Variants in CR1L observed in about 807,000 individuals in gnomAD.
CR1L encodes complement C3b/C4b receptor 1 like.
CR1L carries 59 observed loss-of-function variants against 62.3 expected under a neutral mutation model. The ratio of observed to expected loss-of-function variants is 0.95; its 90% CI spans 0.77 to 1.18. The LOEUF is 1.18. Ranked by LOEUF, CR1L falls within the 50% of genes most tolerant of loss-of-function variation. The pLI, the probability that CR1L is intolerant of heterozygous loss-of-function variation, is 0.00. For missense variants in CR1L, 700 were observed against 702.8 expected (o/e 1.00, Z 0.04); for synonymous variants, 279 against 248.7 (o/e 1.12, Z -1.15).
Position 207,701,546 on chromosome 1 carries a change from C to T in CR1L, c.1256C>T (p.Pro419Leu), listed in dbSNP as rs1664192124. Residue 419 changes from proline to leucine, a missense_variant, in exon 9 of 12, where the codon CCA becomes CTA. Pro to Leu is a moderately conservative substitution (Grantham distance 98). Transcript: ENST00000508064. Reference protein sequence around the residue: ...ERKSCETPPVPVNGMVHVITD... With the variant: ...ERKSCETPPVLVNGMVHVITD... ...AAATCATGTGAAACTCCTCCAGTTC[C>T]AGTGAATGGCATGGTGCATGTGATC... The T allele has an allele frequency of 6.2e-7, 1 of 1,613,686 alleles. No individual in the cohort carries two copies. The highest frequency in any genetic ancestry group is 8.5e-7 in the Non-Finnish European group (1 of 1,179,778).
intron 10 of CR1L, among the ~76,000 whole-genome samples, chr1:207,716,483 G>A (rs1389577441): frequency 1.3e-5 from 2 of 151,970 alleles, no homozygotes; most frequent in Non-Finnish European, 2.9e-5. Flanking sequence ...GTCTATTAAA[G>A]CAAGGCATGA....
At position 207,694,366 on chromosome 1, in the gene CR1L, G is replaced by T. The variant is rs1460624791; in HGVS notation, c.477G>T (p.Gly159=). ...TTCCTTTCCCAGGAATTATTTGTGGGCTACCCCCCACCATCGCCAATGGAG... is the reference window on the plus strand; with the variant it reads ...TTCCTTTCCCAGGAATTATTTGTGGTCTACCCCCCACCATCGCCAATGGAG... ...KTPVCDRIIC[G]LPPTIANGDF... Residue 159 remains glycine, a synonymous_variant, in exon 5 of 12, where the codon GGG becomes GGT. Coordinates refer to ENST00000508064, the MANE Select transcript of CR1L (RefSeq NM_175710.2). 1.9e-6 allele frequency: 3 copies of T among 1,613,818 alleles called. No homozygotes were observed. In the African/African-American group the frequency reaches 4.0e-5, roughly 22 times the overall value.
chr1:207,687,179 T>C (rs1663924849), intron 4 of CR1L, among the ~76,000 whole-genome samples: 1 of 152,208 alleles, frequency 6.6e-6, no homozygotes, highest in South Asian at 2.1e-4. Context: ...ATGACAGTCT[T>C]ATAAAGCCAG....
chr1:207,651,888 T>A (rs1663229308), intron 1 of CR1L, among the ~76,000 whole-genome samples: 1 of 152,238 alleles, frequency 6.6e-6, no homozygotes, highest in Admixed American at 6.5e-5. Context: ...TATATTTAAG[T>A]AGTGTATATT....
chr1:207,709,697 C>T (rs930530193), intron 10 of CR1L, among the ~76,000 whole-genome samples: 6 of 151,576 alleles, frequency 4.0e-5, no homozygotes, highest in African/African-American at 1.5e-4. Flanking sequence ...GTTAGCTGAG[C>T]ATGGTCGTGC....
rs1664299635 is a variant in CR1L at position 207,708,210 on chromosome 1, G to A, written c.1361G>A (p.Cys454Tyr). Residue 454 changes from cysteine (C) to tyrosine (Y), a missense_variant, in exon 10 of 12, where the codon TGT becomes TAT. Cys to Tyr is a radical substitution (Grantham distance 194). Coordinates refer to ENST00000508064, the MANE Select transcript of CR1L (RefSeq NM_175710.2). ...CTCATTGGTCACTCATCTGCTGAAT[G>A]TATCCTCTCGGGCAATACTGCCCAT... ...HRLIGHSSAE[C>Y]ILSGNTAHWS... 3 of 1,611,458 alleles carry A rather than the reference G, an allele frequency of 1.9e-6. No homozygotes were observed. The highest frequency in any genetic ancestry group is 4.5e-5 in the East Asian group (2 of 44,852).
chr1:207,717,759 T>C, intron 11 of CR1L, 68 bp downstream of exon 11: 1 of 1,561,118 alleles, frequency 6.4e-7, no homozygotes, highest in Non-Finnish European at 8.7e-7. Flanking sequence ...CATATTTCTA[T>C]AGTGACAGTC....
chr1:207,692,783 C>T (rs1421121322), intron 4 of CR1L, among the ~76,000 whole-genome samples: 1 of 151,548 alleles, frequency 6.6e-6, no homozygotes, highest in Non-Finnish European at 1.5e-5. Context: ...TGCCATACCC[C>T]CAGCCCGTAA....
At chr1:207,675,450 G>A (rs1663676025) in intron 1 of CR1L, among the ~76,000 whole-genome samples, 1 of 152,128 alleles carries the variant, frequency 6.6e-6, no homozygotes, top group South Asian at 2.1e-4. Context: ...TCATAGCCAA[G>A]ATAAAAGTGC....
intron 1 of CR1L, among the ~76,000 whole-genome samples, chr1:207,675,880 C>T (rs185807189): frequency 2.6e-4 from 39 of 152,262 alleles, no homozygotes; most frequent in African/African-American, 8.2e-4. Flanking sequence ...TGAGAAAATA[C>T]GTCTTCTTTA....
At chr1:207,705,217 G>A (rs746505206) in intron 9 of CR1L, among the ~76,000 whole-genome samples, 24 of 152,158 alleles carry the variant, frequency 1.6e-4, no homozygotes, top group Admixed American at 2.6e-4. Flanking sequence ...TAAGGACACC[G>A]GGCATATTGG....
At chr1:207,716,119 A>G (rs1368614631) in intron 10 of CR1L, among the ~76,000 whole-genome samples, 1 of 152,208 alleles carries the variant, frequency 6.6e-6, no homozygotes, top group Non-Finnish European at 1.5e-5. Flanking sequence ...TAGAAAATGC[A>G]ATGAAGAGTA....
intron 1 of CR1L, among the ~76,000 whole-genome samples, chr1:207,675,237 G>A (rs1663672631): frequency 6.6e-6 from 1 of 151,596 alleles, no homozygotes; most frequent in African/African-American, 2.4e-5. Context: ...AACAATTATT[G>A]ATATGAAAGG....
At chr1:207,701,812 G>C in intron 9 of CR1L, 194 bp downstream of exon 9, 1 of 834,534 alleles carries the variant, frequency 1.2e-6, no homozygotes, top group Non-Finnish European at 2.0e-6. Flanking sequence ...CTGGAAACCA[G>C]GGCAGTGCAC....
At chr1:207,720,042 G>A (rs1160495022) in intron 11 of CR1L, among the ~76,000 whole-genome samples, 1 of 152,194 alleles carries the variant, frequency 6.6e-6, no homozygotes. Context: ...CAGATAATGG[G>A]CAATTCTTAA....
intron 1 of CR1L, among the ~76,000 whole-genome samples, chr1:207,648,208 C>CACAG (rs1553240820): frequency 1.3e-3 from 70 of 53,880 alleles, no homozygotes; most frequent in African/African-American, 4.6e-3. Context: ...CACACACAGA[C>CACAG]ACACACACAC....
At chr1:207,657,330 C>G (rs1415551517) in intron 1 of CR1L, 1 of 958,952 alleles carries the variant, frequency 1.0e-6, no homozygotes, top group Non-Finnish European at 1.7e-6. Context: ...AGTCACCTTT[C>G]AATTTATTTC....
rs1663727509 is a variant in CR1L at position 207,678,015 on chromosome 1, GC to G, written c.278-182del. Among the ~76,000 whole-genome samples the G allele has an allele frequency of 2.0e-5, 3 of 152,168 alleles. No homozygotes were observed. In the South Asian group the frequency reaches 6.2e-4, roughly 32 times the overall value. ...GGGATGAAACAGATCTGAAAGGAAA[GC>G]TTTTTTTGAAAGGGAGCTGATCCTG... On this transcript the variant is annotated intron_variant, in intron 2 of 11. Transcript: ENST00000508064.
intron 1 of CR1L, 75 bp downstream of exon 1, chr1:207,645,405 G>A: frequency 6.6e-7 from 1 of 1,519,098 alleles, no homozygotes; most frequent in Non-Finnish European, 9.1e-7. Flanking sequence ...AGGAGGCGCG[G>A]GGCGAAGCTC....
Sources: allele counts gnomAD v4.1 joint callset (sites outside exome capture counted in the v4.1 genomes callset), GRCh38; gene constraint gnomAD v4.1.1; transcripts MANE v1.5; gene names NCBI Gene and HGNC (gene_info 2026-07-23, HGNC 2026-07-21).